The following FUT8 variants were observed in gnomAD, a reference collection of about 807,000 sequenced individuals.
FUT8 encodes the protein fucosyltransferase 8, also known as alpha-(1,6)-fucosyltransferase.
FUT8 carries 29 observed loss-of-function variants against 71.3 expected under a neutral mutation model. That is an observed-to-expected ratio of 0.41 (90% CI 0.30 to 0.55). FUT8 has a LOEUF of 0.55. Ranked by LOEUF, FUT8 falls within the 20% of genes least tolerant of loss-of-function variation. FUT8 has a pLI of 0.34. For synonymous variants in FUT8, 254 were observed against 239.3 expected, an observed-to-expected ratio of 1.06 and a Z score of -0.57; for missense variants, 544 against 702.1, an observed-to-expected ratio of 0.77 and a Z score of 2.55.
chr14:65,703,943 T>G (rs2268964), intron 7 of FUT8, among the ~76,000 whole-genome samples: 2 of 152,212 alleles, frequency 1.3e-5, no homozygotes, highest in East Asian at 3.8e-4. Context: ...AGTGTTTTGT[T>G]TTTGCTTCCT....
intron 2 of FUT8, chr14:65,471,015 G>T: frequency 2.3e-6 from 1 of 437,322 alleles, no homozygotes. Flanking sequence ...TTGGGTTTTT[G>T]TAAAGAATCC....
At chr14:65,458,006 C>A (rs938048199) in intron 2 of FUT8, 6 of 151,866 alleles carry the variant, frequency 4.0e-5, no homozygotes, top group Non-Finnish European at 7.4e-5. Flanking sequence ...AACGGTGAAA[C>A]CCCGTCTCTA....
chr14:65,738,988 G>A lies in FUT8; in HGVS notation c.1411-3105G>A, dbSNP rs778021420. On this transcript the variant is annotated intron_variant, in intron 10 of 10. Coordinates refer to ENST00000673929, the MANE Select transcript of FUT8 (RefSeq NM_001371533.1). Reference sequence around the variant, plus strand: ...ATCCTAAGGGAATATATACTCAAGAGCCTGAAAGAGTTCTGACTGTGGCTC... The same window carrying A: ...ATCCTAAGGGAATATATACTCAAGAACCTGAAAGAGTTCTGACTGTGGCTC... Among the ~76,000 whole-genome samples, 82 of 152,158 alleles carry A rather than the reference G, an allele frequency of 5.4e-4. 1 individual carries two copies. The highest frequency in any genetic ancestry group is 3.4e-3 in the Middle Eastern group (1 of 294).
At chr14:65,633,981 A>C (rs1051746660) in intron 6 of FUT8, among the ~76,000 whole-genome samples, 2 of 150,938 alleles carry the variant, frequency 1.3e-5, no homozygotes, top group African/African-American at 4.9e-5. Flanking sequence ...CCCATCCGGG[A>C]GGTGAGGGGC....
In FUT8 at chr14:65,550,565, G is replaced by A. The variant is rs1247090113; in HGVS notation, c.-227-10772G>A. ...TATACCATCATAAAGTTGAAAAATT[G>A]TTAAGTTGAGCCATTGTTAATTTGA... On this transcript the variant is annotated intron_variant, in intron 2 of 10. Coordinates refer to ENST00000673929, the MANE Select transcript of FUT8 (RefSeq NM_001371533.1). This position sits in a 1 kb window ranked among gnomAD's most constrained non-coding sequence, Gnocchi z 4.5. Among the ~76,000 whole-genome samples the A allele has an allele frequency of 3.3e-5, 5 of 152,122 alleles. No individual in the cohort carries two copies. Among genetic ancestry groups the A allele is most frequent in the Non-Finnish European group, 5.9e-5 (4 of 68,012 alleles).
At chr14:65,725,141 T>C (rs563863242) in intron 9 of FUT8, among the ~76,000 whole-genome samples, 1 of 152,348 alleles carries the variant, frequency 6.6e-6, no homozygotes, top group Non-Finnish European at 1.5e-5. Flanking sequence ...TTGAAAGTTA[T>C]ACTAAAGAAA....
intron 3 of FUT8, among the ~76,000 whole-genome samples, chr14:65,602,178 C>T (rs1409244509): frequency 6.6e-6 from 1 of 150,848 alleles, no homozygotes; most frequent in Admixed American, 6.7e-5. Context: ...CTTCCTATGC[C>T]TTTGTATCCT....
At chr14:65,403,531 A>G in the FUT8 span, among the ~76,000 whole-genome samples, 1 of 152,212 alleles carries the variant, frequency 6.6e-6, no homozygotes, top group East Asian at 1.9e-4. Context: ...GATAGGCAGG[A>G]TCTCTGCTTT....
chr14:65,611,195 ACACGCGCGCGCGCG>A (rs780076222), intron 3 of FUT8, among the ~76,000 whole-genome samples: 1,986 of 14,256 alleles, frequency 0.14, 255 homozygotes, highest in Non-Finnish European at 0.31. Flanking sequence ...ACACACACAC[ACACGCGCGCGCGCG>A]CGCGCGCGCG....
chr14:65,654,939 G>C (rs912860959), intron 6 of FUT8, among the ~76,000 whole-genome samples: 2 of 151,790 alleles, frequency 1.3e-5, no homozygotes, highest in South Asian at 2.1e-4. Context: ...GTTTTGCAGA[G>C]ACAGGGTTTC....
intron 2 of FUT8, among the ~76,000 whole-genome samples, chr14:65,553,358 T>A (rs1006579937): frequency 1.3e-5 from 2 of 152,156 alleles, no homozygotes; most frequent in Admixed American, 6.5e-5. Flanking sequence ...CTTTTAAATA[T>A]TCTGTCATAT....
At chr14:65,630,881 G>A (rs552398040) in intron 6 of FUT8, among the ~76,000 whole-genome samples, 1 of 152,210 alleles carries the variant, frequency 6.6e-6, no homozygotes, top group East Asian at 1.9e-4. Flanking sequence ...CTAATGCTGT[G>A]GATGGCATAC....
intron 3 of FUT8, among the ~76,000 whole-genome samples, chr14:65,576,905 A>C (rs1345359360): frequency 6.6e-6 from 1 of 151,476 alleles, no homozygotes; most frequent in African/African-American, 2.4e-5. Flanking sequence ...CTTTTCATAG[A>C]GATGGGGTTT....
chr14:65,365,926 C>T, the FUT8 span, among the ~76,000 whole-genome samples: 2 of 152,078 alleles, frequency 1.3e-5, no homozygotes, highest in African/African-American at 4.8e-5. Context: ...CAGGCTCTGC[C>T]TCCTGGGTTC....
chr14:65,671,585 G>A (rs557206685), intron 7 of FUT8, among the ~76,000 whole-genome samples: 5 of 152,026 alleles, frequency 3.3e-5, no homozygotes, highest in Non-Finnish European at 7.4e-5. Flanking sequence ...ACTTTACCTC[G>A]TTACTAGCAG....
intron 7 of FUT8, among the ~76,000 whole-genome samples, chr14:65,717,510 C>G (rs1425025322): frequency 1.0e-4 from 14 of 138,702 alleles, no homozygotes; most frequent in Admixed American, 1.4e-4. Flanking sequence ...GCGCTCCTCA[C>G]CTCCCAGACG....
chr14:65,440,284 C>T (rs2065634055), intron 1 of FUT8, among the ~76,000 whole-genome samples: 1 of 150,952 alleles, frequency 6.6e-6, no homozygotes, highest in Non-Finnish European at 1.5e-5. Context: ...ATCCAGTGTA[C>T]AGCATGGTTG....
At chr14:65,657,812 AAG>A (rs1228186790) in intron 6 of FUT8, among the ~76,000 whole-genome samples, 6 of 152,158 alleles carry the variant, frequency 3.9e-5, no homozygotes, top group Non-Finnish European at 8.8e-5. Context: ...AAATAACTAA[AAG>A]AGTATAATTG....
At position 65,638,663 on chromosome 14, in the gene FUT8, C is replaced by G. The variant is rs907583427; in HGVS notation, c.597+9057C>G. On this transcript the variant is annotated intron_variant, in intron 6 of 10. Coordinates refer to ENST00000673929, the MANE Select transcript of FUT8 (RefSeq NM_001371533.1). This position sits in a 1 kb window ranked among gnomAD's most constrained non-coding sequence, Gnocchi z 4.5. The stretch of plus-strand genomic sequence containing the variant: ...ACATTTCAGCTTATGGAACCCCTCA[C>G]TCCAACACAGGATTTGCCTGATCTC... 6.6e-6 allele frequency among the ~76,000 whole-genome samples: 1 copy of G among 152,158 alleles called. No individual in the cohort carries two copies. Among genetic ancestry groups the G allele is most frequent in the Admixed American group, 6.5e-5 (1 of 15,276 alleles).
Sources: gnomAD v4.1 joint callset for allele counts (sites outside exome capture counted in the v4.1 genomes callset) on GRCh38, gnomAD v4.1.1 for gene constraint, Gnocchi (gnomAD v3.1) non-coding constraint, MANE v1.5 for transcripts, NCBI Gene and HGNC (gene_info 2026-07-23, HGNC 2026-07-21) for gene names.